The following MND1 variants were observed in gnomAD, a reference collection of about 807,000 sequenced individuals.
MND1 encodes meiotic nuclear divisions 1, also known as meiotic nuclear division protein 1 homolog.
In MND1, 28 loss-of-function variants were observed where a neutral mutation model predicts 35.1. The ratio of observed to expected loss-of-function variants is 0.80; its 90% CI spans 0.59 to 1.09. The LOEUF (loss-of-function observed/expected upper bound fraction) is 1.09, where lower values mean the gene tolerates loss of function less well. Ranked by LOEUF, MND1 falls within the 50% of genes least tolerant of loss-of-function variation. The pLI, the probability that MND1 is intolerant of heterozygous loss-of-function variation, is 0.00. For synonymous variants in MND1, 69 were observed against 70.5 expected, an observed-to-expected ratio of 0.98 and a Z score of 0.11; for missense variants, 213 against 239.6, an observed-to-expected ratio of 0.89 and a Z score of 0.73.
chr4:153,404,186 T>G (rs907827031), intron 6 of MND1, among the ~76,000 whole-genome samples: 1 of 135,596 alleles, frequency 7.4e-6, no homozygotes, highest in African/African-American at 2.8e-5. Context: ...TTTTTTTTTT[T>G]TTTTTTTTTT....
chr4:153,349,592 T>A (rs1001289618), intron 1 of MND1, among the ~76,000 whole-genome samples: 1 of 152,186 alleles, frequency 6.6e-6, no homozygotes, highest in Non-Finnish European at 1.5e-5. Flanking sequence ...CTGTGTGTGG[T>A]CTCCCCAAGA....
At chr4:153,353,830 G>A (rs1428399168) in intron 2 of MND1, among the ~76,000 whole-genome samples, 1 of 151,790 alleles carries the variant, frequency 6.6e-6, no homozygotes, top group African/African-American at 2.4e-5. Context: ...AGCGATTCTC[G>A]TGCCTCAGTC....
intron 1 of MND1, chr4:153,345,514 C>G (rs1234956358): frequency 1.0e-6 from 1 of 985,468 alleles, no homozygotes; most frequent in Non-Finnish European, 1.2e-6. Context: ...CTGGTAAGAT[C>G]GGCTTTGTGA....
At chr4:153,353,969 C>T (rs1773281845) in intron 2 of MND1, among the ~76,000 whole-genome samples, 1 of 152,240 alleles carries the variant, frequency 6.6e-6, no homozygotes, top group Admixed American at 6.5e-5. Flanking sequence ...ATCCACCCGC[C>T]TCAGCCTCCC....
At chr4:153,377,025 T>G (rs1728530988) in intron 4 of MND1, among the ~76,000 whole-genome samples, 1 of 152,198 alleles carries the variant, frequency 6.6e-6, no homozygotes, top group African/African-American at 2.4e-5. Flanking sequence ...TGACTGAGTT[T>G]TATTTAAAGT....
At chr4:153,368,226 T>G (rs1011483678) in intron 4 of MND1, among the ~76,000 whole-genome samples, 1 of 152,170 alleles carries the variant, frequency 6.6e-6, no homozygotes, top group Non-Finnish European at 1.5e-5. Context: ...CTCCTCTCTA[T>G]TTAGCCAAAT....
At chr4:153,412,800 CT>C (rs200742297) in intron 7 of MND1, among the ~76,000 whole-genome samples, 6 of 145,360 alleles carry the variant, frequency 4.1e-5, no homozygotes, top group Admixed American at 1.4e-4. Flanking sequence ...TCCTTTTCTT[CT>C]TTTTTTTCTT....
intron 4 of MND1, among the ~76,000 whole-genome samples, chr4:153,390,889 A>ATATGTATGTGTGTGTG (rs757236550): frequency 7.2e-6 from 1 of 139,774 alleles, no homozygotes; most frequent in South Asian, 2.5e-4. Context: ...AGGTATATAT[A>ATATGTATGTGTGTGTG]TGTGTGTGTG....
chr4:153,390,606 G>T (rs1728992539), intron 4 of MND1, among the ~76,000 whole-genome samples: 3 of 152,204 alleles, frequency 2.0e-5, no homozygotes, highest in Admixed American at 2.0e-4. Flanking sequence ...CAGTGCTCTA[G>T]GAAGCCCAGG....
At chr4:153,376,189 G>A (rs554503378) in intron 4 of MND1, among the ~76,000 whole-genome samples, 34 of 152,212 alleles carry the variant, frequency 2.2e-4, no homozygotes, top group African/African-American at 7.5e-4. Context: ...GTCAAGAGAT[G>A]ACTTTTTCTT....
intron 4 of MND1, chr4:153,361,578 GC>G (rs1415279073): frequency 2.2e-6 from 1 of 455,404 alleles, no homozygotes; most frequent in East Asian, 6.9e-5. Flanking sequence ...AGTGGCTCAC[GC>G]CTGTAATCCC....
intron 6 of MND1, among the ~76,000 whole-genome samples, chr4:153,406,303 T>C (rs1317268233): frequency 6.6e-6 from 1 of 151,966 alleles, no homozygotes; most frequent in Non-Finnish European, 1.5e-5. Flanking sequence ...AGGTGGATCA[T>C]GTGAAGCCAG....
chr4:153,362,180 T>C (rs897952284), intron 4 of MND1, among the ~76,000 whole-genome samples: 1 of 152,254 alleles, frequency 6.6e-6, no homozygotes, highest in Non-Finnish European at 1.5e-5. Flanking sequence ...TCTATTTCAT[T>C]ATGGCTTCTA....
At chr4:153,379,289 C>CAAA (rs35306831) in intron 4 of MND1, among the ~76,000 whole-genome samples, 14 of 74,438 alleles carry the variant, frequency 1.9e-4, no homozygotes, top group East Asian at 4.3e-4. Flanking sequence ...GACTCTGTCT[C>CAAA]AAAAAAAAAA....
intron 4 of MND1, chr4:153,363,140 G>A (rs571356620): frequency 3.3e-6 from 1 of 307,036 alleles, no homozygotes; most frequent in African/African-American, 2.3e-5. Flanking sequence ...TGGTGTGCAT[G>A]TTAGACTCCT....
At position 153,355,444 on chromosome 4, in the gene MND1, AC is replaced by A. The variant is rs536617632; in HGVS notation, c.70-209del. Among the ~76,000 whole-genome samples the A allele has an allele frequency of 2.6e-5, 4 of 152,272 alleles. No homozygotes were observed. The South Asian group carries it at 8.3e-4, about 32-fold the overall frequency. On this transcript the variant is annotated intron_variant, in intron 2 of 7. Coordinates refer to ENST00000240488, the MANE Select transcript of MND1 (RefSeq NM_032117.4). The stretch of plus-strand genomic sequence containing the variant: ...TAAGAGTGAAATTGGAATGTTCCTA[AC>A]ACAAAGAAATGATAAGTGTTTGAAG...
In MND1 at chr4:153,344,732, C is replaced by A. The variant is rs1330555528; in HGVS notation, c.-6C>A. The stretch of plus-strand genomic sequence containing the variant: ...CCCGGCCAGCGGAAGCCCCTGCGCC[C>A]GCGCCATGGTAAGGACTGAGGCTAC... On this transcript the variant is annotated 5_prime_UTR_variant, in exon 1 of 8. Coordinates refer to ENST00000240488, the MANE Select transcript of MND1 (RefSeq NM_032117.4). 15 of 1,596,192 alleles carry A rather than the reference C, an allele frequency of 9.4e-6. No individual in the cohort carries two copies. Among genetic ancestry groups the A allele is most frequent in the Non-Finnish European group, 1.3e-5 (15 of 1,172,678 alleles).
chr4:153,358,370 C>T (rs1773397293), intron 3 of MND1, 104 bp from the exon 4 acceptor site: 1 of 960,236 alleles, frequency 1.0e-6, no homozygotes. Context: ...AACTTTTTAA[C>T]TCTTGATTTG....
chr4:153,374,616 T>C (rs780828902), intron 4 of MND1, among the ~76,000 whole-genome samples: 1 of 151,982 alleles, frequency 6.6e-6, no homozygotes, highest in Non-Finnish European at 1.5e-5. Flanking sequence ...TACTTCCAGA[T>C]GGGGGTTGGG....
Sources: allele counts gnomAD v4.1 joint callset (sites outside exome capture counted in the v4.1 genomes callset), GRCh38; gene constraint gnomAD v4.1.1; transcripts MANE v1.5; gene names NCBI Gene and HGNC (gene_info 2026-07-23, HGNC 2026-07-21).